GOLGA5: variants seen among roughly 807,000 people sequenced by gnomAD.
GOLGA5 encodes golgin subfamily A member 5.
A neutral mutation model predicts 93.5 loss-of-function variants in GOLGA5; 50 were observed. The observed-to-expected ratio is 0.53, with a 90% CI of 0.43 to 0.68. The LOEUF (loss-of-function observed/expected upper bound fraction) is 0.68. Ranked by LOEUF, GOLGA5 falls within the 30% of genes least tolerant of loss-of-function variation. The pLI, the probability that GOLGA5 is intolerant of heterozygous loss-of-function variation, is 0.00. For synonymous variants in GOLGA5, 312 were observed against 304.5 expected, an observed-to-expected ratio of 1.02 and a Z score of -0.26; for missense variants, 760 against 856.4, an observed-to-expected ratio of 0.89 and a Z score of 1.40.
chr14:92,802,782 T>G (rs1884901242), intron 2 of GOLGA5, among the ~76,000 whole-genome samples: 1 of 150,716 alleles, frequency 6.6e-6, no homozygotes, highest in Non-Finnish European at 1.5e-5. Flanking sequence ...AGAGATGGGA[T>G]CTTGCTGTGT....
chr14:92,813,541 A>G (rs1296224296), intron 6 of GOLGA5, among the ~76,000 whole-genome samples: 1 of 152,196 alleles, frequency 6.6e-6, no homozygotes, highest in Non-Finnish European at 1.5e-5. Context: ...CAGAGAGAAC[A>G]TGGCATATTT....
chr14:92,825,032 A>T (rs766713305), intron 9 of GOLGA5, among the ~76,000 whole-genome samples: 2 of 152,146 alleles, frequency 1.3e-5, no homozygotes, highest in Admixed American at 1.3e-4. Flanking sequence ...TCACCAAGAT[A>T]TTTTTTTAAC....
chr14:92,816,477 G>C, intron 7 of GOLGA5, 56 bp downstream of exon 7: 1 of 1,426,324 alleles, frequency 7.0e-7, no homozygotes, highest in Non-Finnish European at 9.8e-7. Flanking sequence ...GGTGTTAACA[G>C]TTTGAGAGGT....
chr14:92,817,215 A>G (rs1885229112), intron 7 of GOLGA5, among the ~76,000 whole-genome samples: 1 of 152,192 alleles, frequency 6.6e-6, no homozygotes, highest in Admixed American at 6.5e-5. Flanking sequence ...TGCTGAGATT[A>G]GAGACGTGAG....
intron 9 of GOLGA5, among the ~76,000 whole-genome samples, chr14:92,828,818 G>A (rs141835339): frequency 3.3e-5 from 5 of 152,222 alleles, no homozygotes; most frequent in African/African-American, 1.2e-4. Flanking sequence ...ACAGGTGCAT[G>A]CCAGCACACT....
intron 3 of GOLGA5, among the ~76,000 whole-genome samples, chr14:92,807,977 G>C (rs189838107): frequency 2.0e-5 from 3 of 152,342 alleles, no homozygotes; most frequent in African/African-American, 7.2e-5. Flanking sequence ...GCTCACGCCT[G>C]TAATCCCAAC....
In GOLGA5 at chr14:92,818,718, A is replaced by G. The variant is rs139197500; in HGVS notation, c.1492-990A>G. 6.6e-3 allele frequency among the ~76,000 whole-genome samples: 999 copies of G among 152,286 alleles called. 9 individuals carry two copies. Among genetic ancestry groups the G allele is most frequent in the African/African-American group, 0.023 (958 of 41,556 alleles). On this transcript the variant is annotated intron_variant, in intron 7 of 12. Transcript: ENST00000163416. ...ATGTGAAGTTCCAAGGTTTGTGGTGATGAGTATGAAACAGAATGTACCAAC... is the reference window on the plus strand; with the variant it reads ...ATGTGAAGTTCCAAGGTTTGTGGTGGTGAGTATGAAACAGAATGTACCAAC...
chr14:92,812,471 C>A lies in GOLGA5; in HGVS notation c.1320+717C>A, dbSNP rs981565728. ...AAAACAGTCTCTTTTAGCTTTGTGA[C>A]CACTTTGCACTATTTCCCTATCTTC... On this transcript the variant is annotated intron_variant, in intron 6 of 12. Coordinates refer to ENST00000163416, the MANE Select transcript of GOLGA5 (RefSeq NM_005113.4). Among the ~76,000 whole-genome samples the A allele has an allele frequency of 7.2e-5, 11 of 152,274 alleles. 1 individual carries two copies. In the Middle Eastern group the frequency reaches 0.01, roughly 141 times the overall value.
Position 92,824,607 on chromosome 14 carries a change from A to G in GOLGA5, c.1682A>G (p.Lys561Arg), listed in dbSNP as rs780083685. 2 of 1,604,490 alleles carry G rather than the reference A, an allele frequency of 1.2e-6. No homozygotes were observed. The highest frequency in any genetic ancestry group is 1.7e-6 in the Non-Finnish European group (2 of 1,172,940). ...RTKNTLQSRIKDRDEEIQKLR... is the reference protein window; with the variant it reads ...RTKNTLQSRIRDRDEEIQKLR... ...AAGAACACATTGCAAAGCAGAATTA[A>G]AGATCGAGACGAAGAAATTCAAAAA... The change falls in exon 9 of 13, where the codon AAA becomes AGA. Residue 561 changes from lysine to arginine, a missense_variant. Transcript: ENST00000163416.
chr14:92,810,269 A>G lies in GOLGA5; in HGVS notation c.1008A>G (p.Gln336=), dbSNP rs1279706411. The change falls in exon 5 of 13, where the codon CAA becomes CAG. Residue 336 remains glutamine, a synonymous_variant. Transcript: ENST00000163416. The part of the protein sequence containing the change: ...QSEKSRIMQD[Q]SEGNSLQNQA... The stretch of plus-strand genomic sequence containing the variant: ...TTTCCTTTAGAATAATGCAGGATCA[A>G]AGTGAAGGTAACAGCCTGCAGAATC... The G allele has an allele frequency of 1.2e-6, 2 of 1,602,082 alleles. No homozygotes were observed. Among genetic ancestry groups the G allele is most frequent in the African/African-American group, 2.7e-5 (2 of 74,512 alleles).
intron 9 of GOLGA5, among the ~76,000 whole-genome samples, chr14:92,832,436 G>A (rs532826387): frequency 6.6e-6 from 1 of 152,058 alleles, no homozygotes; most frequent in East Asian, 1.9e-4. Context: ...AGTAGAGGGA[G>A]ATGGAGACAG....
intron 1 of GOLGA5, among the ~76,000 whole-genome samples, chr14:92,794,909 C>T (rs1444453216): frequency 1.3e-5 from 2 of 152,152 alleles, no homozygotes; most frequent in African/African-American, 4.8e-5. Flanking sequence ...TGCCCCTGGG[C>T]AGTGTCTGGG....
At chr14:92,825,931 G>C (rs896691307) in intron 9 of GOLGA5, among the ~76,000 whole-genome samples, 15 of 151,600 alleles carry the variant, frequency 9.9e-5, no homozygotes, top group African/African-American at 3.4e-4. Flanking sequence ...GAGGCAGGGA[G>C]ATCACTTGAG....
chr14:92,829,400 C>T (rs908547548), intron 9 of GOLGA5, among the ~76,000 whole-genome samples: 20 of 152,070 alleles, frequency 1.3e-4, no homozygotes, highest in African/African-American at 4.6e-4. Context: ...ATTTGTGATT[C>T]ATGGGAGGAG....
At position 92,839,464 on chromosome 14, in the gene GOLGA5, C is replaced by A; in HGVS notation, c.*18C>A. Reference sequence around the variant, plus strand: ...GCAAATGAACCAAGCCCAGTTGTTGCAGTGATTGGTTGTCTTTTTCTAGAC... The same window carrying A: ...GCAAATGAACCAAGCCCAGTTGTTGAAGTGATTGGTTGTCTTTTTCTAGAC... On this transcript the variant is annotated 3_prime_UTR_variant, in exon 13 of 13. Transcript: ENST00000163416. 1 of 1,556,622 alleles carries A rather than the reference C, an allele frequency of 6.4e-7. No homozygotes were observed. Among genetic ancestry groups the A allele is most frequent in the Non-Finnish European group, 8.8e-7 (1 of 1,134,084 alleles).
At chr14:92,798,095 G>T in intron 2 of GOLGA5, 114 bp downstream of exon 2, 1 of 723,690 alleles carries the variant, frequency 1.4e-6, no homozygotes, top group South Asian at 1.8e-5. Context: ...CTGGTGTAAG[G>T]GCAGACTCTC....
At chr14:92,826,715 A>G (rs1885430012) in intron 9 of GOLGA5, among the ~76,000 whole-genome samples, 1 of 151,750 alleles carries the variant, frequency 6.6e-6, no homozygotes, top group African/African-American at 2.4e-5. Flanking sequence ...AAAAAAAGAA[A>G]AAAAAGAAAA....
intron 7 of GOLGA5, among the ~76,000 whole-genome samples, 155 bp downstream of exon 7, chr14:92,816,576 CTT>C (rs1422286510): frequency 6.6e-6 from 1 of 152,096 alleles, no homozygotes; most frequent in Non-Finnish European, 1.5e-5. Context: ...TTCCTCTTCT[CTT>C]CTTTTGGAGT....
intron 7 of GOLGA5, among the ~76,000 whole-genome samples, chr14:92,818,238 G>T (rs747866287): frequency 9.9e-5 from 15 of 152,118 alleles, no homozygotes; most frequent in Non-Finnish European, 2.1e-4. Flanking sequence ...CAAAATGAAA[G>T]AATTGTAAAT....
Sources: gnomAD v4.1 joint callset for allele counts (sites outside exome capture counted in the v4.1 genomes callset) on GRCh38, gnomAD v4.1.1 for gene constraint, MANE v1.5 for transcripts, NCBI Gene and HGNC (gene_info 2026-07-23, HGNC 2026-07-21) for gene names.